The following NRP1 variants were observed in gnomAD, a reference collection of about 807,000 sequenced individuals.
NRP1 encodes neuropilin-1.
Under a neutral mutation model 106.7 loss-of-function variants are expected in NRP1, and 35 were observed. The observed-to-expected ratio is 0.33, with a 90% CI of 0.25 to 0.43. NRP1 has a LOEUF of 0.43. NRP1 is among the 20% of genes least tolerant of loss of function. The pLI, the probability that NRP1 is intolerant of heterozygous loss-of-function variation, is 1.00. For missense variants in NRP1, 1,024 were observed against 1,170.4 expected, an observed-to-expected ratio of 0.87 and a Z score of 1.83; for synonymous variants, 437 against 417.9, an observed-to-expected ratio of 1.05 and a Z score of -0.56.
At chr10:33,318,769 GGTGGCCAAAA>G (rs1360328308) in intron 2 of NRP1, among the ~76,000 whole-genome samples, 3 of 138,684 alleles carry the variant, frequency 2.2e-5, no homozygotes, top group Non-Finnish European at 4.7e-5. Flanking sequence ...TCGTGGTTTT[GGTGGCCAAAA>G]CCACGATAAC....
At position 33,186,445 on chromosome 10, in the gene NRP1, CTTCT is replaced by C; in HGVS notation, c.2102_2105del (p.Gln701ArgfsTer8). On this transcript the variant is annotated frameshift_variant, in exon 14 of 17. Transcript: ENST00000374867. LOFTEE classifies it high-confidence loss of function. ...GGCTCACCAGGCGAGCCACTTTGCC[CTTCT>C]GATTTTCGTCAGCTTGGGAATAGAT... The C allele has an allele frequency of 6.2e-7, 1 of 1,613,928 alleles. No individual in the cohort carries two copies. The highest frequency in any genetic ancestry group is 8.5e-7 in the Non-Finnish European group (1 of 1,179,906).
At chr10:33,209,480 T>C (rs150783006) in intron 9 of NRP1, among the ~76,000 whole-genome samples, 341 of 152,116 alleles carry the variant, frequency 2.2e-3, no homozygotes, top group Non-Finnish European at 3.1e-3. Flanking sequence ...CCTCATTTAT[T>C]TATTTATTTT....
At chr10:33,231,743 A>G (rs1405182080) in intron 6 of NRP1, among the ~76,000 whole-genome samples, 2 of 152,192 alleles carry the variant, frequency 1.3e-5, no homozygotes, top group Non-Finnish European at 2.9e-5. Flanking sequence ...GGAAAAGGTA[A>G]ACAATTTAAC....
At chr10:33,323,470 C>T (rs1847670942) in intron 2 of NRP1, among the ~76,000 whole-genome samples, 3 of 151,942 alleles carry the variant, frequency 2.0e-5, no homozygotes, top group Admixed American at 2.0e-4. Context: ...TTCCTCTGCT[C>T]CTCTGCAGAA....
At chr10:33,194,912 A>G (rs1836670908) in intron 12 of NRP1, 2 of 327,668 alleles carry the variant, frequency 6.1e-6, no homozygotes, top group African/African-American at 3.2e-5. Context: ...AAACAAACAT[A>G]TAGGACTACT....
intron 2 of NRP1, among the ~76,000 whole-genome samples, chr10:33,319,416 T>C (rs1223434451): frequency 1.3e-5 from 2 of 152,014 alleles, no homozygotes; most frequent in Non-Finnish European, 2.9e-5. Context: ...AATGGACCAA[T>C]GAACAGGACA....
chr10:33,332,548 T>C (rs1388180126), intron 1 of NRP1, among the ~76,000 whole-genome samples: 1 of 152,206 alleles, frequency 6.6e-6, no homozygotes, highest in East Asian at 1.9e-4. Flanking sequence ...CCAGAGCTCT[T>C]TAATCTGTGA....
At chr10:33,321,429 CTTAG>C (rs1389919065) in intron 2 of NRP1, among the ~76,000 whole-genome samples, 3 of 152,066 alleles carry the variant, frequency 2.0e-5, no homozygotes, top group African/African-American at 7.2e-5. Context: ...AAACAGTGAT[CTTAG>C]TTAGCCAGGG....
intron 13 of NRP1, among the ~76,000 whole-genome samples, chr10:33,189,608 A>G (rs987072661): frequency 2.0e-5 from 3 of 152,228 alleles, no homozygotes; most frequent in African/African-American, 7.2e-5. Flanking sequence ...TCACTGAACC[A>G]GGGAGAGATG....
chr10:33,238,103 TG>T (rs1840724264), intron 6 of NRP1, among the ~76,000 whole-genome samples: 1 of 152,222 alleles, frequency 6.6e-6, no homozygotes, highest in Non-Finnish European at 1.5e-5. Context: ...GAGGTAATTC[TG>T]CTAAAATGTG....
At chr10:33,329,890 G>A (rs186067521) in intron 2 of NRP1, among the ~76,000 whole-genome samples, 124 of 152,292 alleles carry the variant, frequency 8.1e-4, no homozygotes, top group African/African-American at 2.2e-3. Context: ...TTTCGATACT[G>A]TGGAAAGCAA....
intron 9 of NRP1, among the ~76,000 whole-genome samples, chr10:33,207,996 C>T (rs185900099): frequency 1.4e-4 from 22 of 152,156 alleles, no homozygotes; most frequent in Non-Finnish European, 2.6e-4. Context: ...TGTGATTGCA[C>T]CTCACTTCAG....
At chr10:33,203,044 T>G in intron 10 of NRP1, 49 bp from the exon 11 acceptor site, 1 of 1,552,406 alleles carries the variant, frequency 6.4e-7, no homozygotes, top group Non-Finnish European at 8.7e-7. Flanking sequence ...AAATGTATTC[T>G]CAAGCCTCTG....
At chr10:33,279,284 C>T (rs764850474) in intron 2 of NRP1, among the ~76,000 whole-genome samples, 1 of 152,166 alleles carries the variant, frequency 6.6e-6, no homozygotes, top group African/African-American at 2.4e-5. Flanking sequence ...CAGGGCATCA[C>T]GGGGCAGAAA....
chr10:33,270,644 A>C, intron 3 of NRP1, 31 bp downstream of exon 3: 1 of 1,557,650 alleles, frequency 6.4e-7, no homozygotes, highest in South Asian at 1.2e-5. Flanking sequence ...ACTCTTAGTC[A>C]TTCTTGTTCT....
At chr10:33,319,985 C>T (rs965466099) in intron 2 of NRP1, among the ~76,000 whole-genome samples, 3 of 151,888 alleles carry the variant, frequency 2.0e-5, no homozygotes, top group South Asian at 2.1e-4. Context: ...GGAATAAATT[C>T]CGGACACAAG....
At chr10:33,268,183 AATTAT>A (rs1843051640) in intron 3 of NRP1, among the ~76,000 whole-genome samples, 1 of 152,142 alleles carries the variant, frequency 6.6e-6, no homozygotes, top group South Asian at 2.1e-4. Context: ...TTCATAAATG[AATTAT>A]ATTAATGATT....
chr10:33,319,678 G>A (rs10827232), intron 2 of NRP1, among the ~76,000 whole-genome samples: 19,402 of 147,770 alleles, frequency 0.13, 1,595 homozygotes, highest in East Asian at 0.29. Flanking sequence ...GCTCTGCCTC[G>A]CGGGTTCATG....
intron 2 of NRP1, among the ~76,000 whole-genome samples, chr10:33,330,358 G>C (rs1848184771): frequency 6.6e-6 from 1 of 150,546 alleles, no homozygotes; most frequent in Non-Finnish European, 1.5e-5. Context: ...AAAAATACAA[G>C]TGAGATTTTT....
Sources: gnomAD v4.1 joint callset for allele counts (sites outside exome capture counted in the v4.1 genomes callset) on GRCh38, gnomAD v4.1.1 for gene constraint, MANE v1.5 for transcripts, NCBI Gene and HGNC (gene_info 2026-07-23, HGNC 2026-07-21) for gene names.